The following BIRC6 variants were observed in gnomAD, a reference collection of about 807,000 sequenced individuals.
The protein encoded by BIRC6 is baculoviral IAP repeat containing 6.
Under a neutral mutation model 503.3 loss-of-function variants are expected in BIRC6, and 98 were observed. The observed-to-expected ratio is 0.19, with a 90% CI of 0.17 to 0.23. The LOEUF is 0.23. BIRC6 is among the 10% of genes least tolerant of loss of function. The pLI is 1.00. For synonymous variants in BIRC6, 2,240 were observed against 2,078.7 expected, an observed-to-expected ratio of 1.08 and a Z score of -2.11; for missense variants, 5,360 against 5,806.0, an observed-to-expected ratio of 0.92 and a Z score of 2.50.
intron 6 of BIRC6, among the ~76,000 whole-genome samples, chr2:32,400,525 G>A (rs2040490075): frequency 6.6e-6 from 1 of 151,928 alleles, no homozygotes; most frequent in African/African-American, 2.4e-5. Context: ...TTTTAGTAGA[G>A]ACGGGGTTTC....
chr2:32,515,414 A>G lies in BIRC6; in HGVS notation c.10993A>G (p.Arg3665Gly). Residue 3665 changes from arginine to glycine, a missense_variant, in exon 55 of 74, where the codon AGG (arginine) becomes GGG (glycine). Arg to Gly is a moderately radical substitution (Grantham distance 125). This residue lies in a region of BIRC6 where 878 missense variants were observed against 928.9 expected (regional missense o/e 0.95). Coordinates refer to ENST00000421745, the MANE Select transcript of BIRC6 (RefSeq NM_016252.4). ...QSIDISQDKL[R>G]RHHVPQQCNK... ...AATAGATATTTCCCAGGACAAACTC[A>G]GGCGCCATCATGTCCCACAACAATG... The G allele has an allele frequency of 6.2e-7, 1 of 1,613,106 alleles. No individual in the cohort carries two copies. Among genetic ancestry groups the G allele is most frequent in the Non-Finnish European group, 8.5e-7 (1 of 1,179,842 alleles).
At chr2:32,508,813 A>C (rs2054080423) in intron 51 of BIRC6, among the ~76,000 whole-genome samples, 2 of 152,156 alleles carry the variant, frequency 1.3e-5, no homozygotes, top group African/African-American at 2.4e-5. Flanking sequence ...GGCCTGGCTC[A>C]GTGGCTCACA....
chr2:32,438,092 A>G (rs2044942159), intron 15 of BIRC6, among the ~76,000 whole-genome samples: 1 of 152,210 alleles, frequency 6.6e-6, no homozygotes, highest in Non-Finnish European at 1.5e-5. Flanking sequence ...ACGTCTGGTC[A>G]AAAATACTGA....
chr2:32,617,064 C>T (rs1423282957), intron 73 of BIRC6, among the ~76,000 whole-genome samples: 4 of 152,054 alleles, frequency 2.6e-5, no homozygotes, highest in Non-Finnish European at 5.9e-5. Flanking sequence ...CGCTGCTCTC[C>T]AGCCTGGATG....
chr2:32,592,108 C>T (rs1408153247), intron 66 of BIRC6, among the ~76,000 whole-genome samples: 3 of 152,192 alleles, frequency 2.0e-5, no homozygotes, highest in East Asian at 3.8e-4. Context: ...AGTCTTCAGA[C>T]GTACACTATA....
intron 1 of BIRC6, among the ~76,000 whole-genome samples, chr2:32,359,704 T>C (rs760277659): frequency 5.9e-5 from 9 of 152,178 alleles, no homozygotes; most frequent in Non-Finnish European, 1.3e-4. Context: ...CATTTTCATA[T>C]ATGAGAAGTG....
At chr2:32,540,377 T>A (rs901750245) in intron 61 of BIRC6, among the ~76,000 whole-genome samples, 2 of 152,068 alleles carry the variant, frequency 1.3e-5, no homozygotes, top group Non-Finnish European at 2.9e-5. Context: ...ATAAATCATA[T>A]CCTGTTCATC....
intron 65 of BIRC6, among the ~76,000 whole-genome samples, chr2:32,552,140 A>G (rs542275792): frequency 9.2e-5 from 14 of 152,306 alleles, no homozygotes; most frequent in Middle Eastern, 3.4e-3. Context: ...TTGGTCTGCC[A>G]TTAATTTTAA....
intron 44 of BIRC6, 95 bp downstream of exon 44, chr2:32,491,653 A>C: frequency 7.8e-7 from 1 of 1,279,008 alleles, no homozygotes; most frequent in Non-Finnish European, 1.1e-6. Context: ...TAAAGTATTA[A>C]ATAATAGCCT....
chr2:32,490,406 G>A (rs183755554), intron 43 of BIRC6, among the ~76,000 whole-genome samples: 7 of 152,224 alleles, frequency 4.6e-5, no homozygotes, highest in Admixed American at 3.3e-4. Flanking sequence ...AAGTTAGTGG[G>A]CGCCTGTAGT....
intron 35 of BIRC6, 83 bp from the exon 36 acceptor site, chr2:32,478,552 T>C: frequency 5.5e-6 from 7 of 1,276,178 alleles, no homozygotes; most frequent in Non-Finnish European, 7.6e-6. Context: ...TGTTCAGTGC[T>C]AAAGTATTGG....
rs199573833 is a variant in BIRC6, at chr2:32,414,046, C to CT, written c.1478-720dup. The stretch of plus-strand genomic sequence containing the variant: ...GTGGCTCATGCCTGTAATCCCAGCA[C>CT]TTTGAGAGGCCGAGGCGGGTGGATT... On this transcript the variant is annotated intron_variant, in intron 9 of 73. Transcript: ENST00000421745. 4.6e-3 allele frequency among the ~76,000 whole-genome samples: 693 copies of CT among 152,244 alleles called. 5 individuals carry two copies. The highest frequency in any genetic ancestry group is 0.015 in the African/African-American group (641 of 41,542).
In BIRC6 at chr2:32,398,886, C is replaced by T. The variant is rs953968264; in HGVS notation, c.1035-2277C>T. Among the ~76,000 whole-genome samples the T allele has an allele frequency of 4.6e-5, 7 of 152,168 alleles. No individual in the cohort carries two copies. The South Asian group carries it at 1.5e-3, about 32-fold the overall frequency. On this transcript the variant is annotated intron_variant, in intron 6 of 73. Transcript: ENST00000421745. Reference sequence around the variant, plus strand: ...GCACTGTAAAAGGATTTAGGAAAGACATCTACATATTAAAAATTGCCCAGG... The same window carrying T: ...GCACTGTAAAAGGATTTAGGAAAGATATCTACATATTAAAAATTGCCCAGG...
rs537194587 is a variant in BIRC6 at position 32,390,371 on chromosome 2, C to T, written c.839+1428C>T. ...ATTTTTAGTACAGGTGGGGTTTCAC[C>T]GTGTTAGCCAGGATGGTCTCGAGCT... On this transcript the variant is annotated intron_variant, in intron 4 of 73. Coordinates refer to ENST00000421745, the MANE Select transcript of BIRC6 (RefSeq NM_016252.4). Among the ~76,000 whole-genome samples the T allele has an allele frequency of 5.3e-5, 8 of 151,430 alleles. No homozygotes were observed. In the South Asian group the frequency reaches 6.3e-4, roughly 12 times the overall value.
intron 59 of BIRC6, 133 bp from the exon 60 acceptor site, chr2:32,529,518 G>C (rs567909634): frequency 1.2e-6 from 1 of 800,884 alleles, no homozygotes; most frequent in African/African-American, 1.8e-5. Flanking sequence ...AATGGCTGTT[G>C]AATTTTTTAA....
intron 65 of BIRC6, among the ~76,000 whole-genome samples, chr2:32,556,521 C>G (rs1386062340): frequency 6.6e-6 from 1 of 152,186 alleles, no homozygotes; most frequent in Admixed American, 6.5e-5. Flanking sequence ...CCATAACTCT[C>G]CATTTCTTCT....
intron 73 of BIRC6, among the ~76,000 whole-genome samples, chr2:32,616,578 AAAAAAAAT>A (rs2063259830): frequency 6.6e-6 from 1 of 151,618 alleles, no homozygotes; most frequent in Non-Finnish European, 1.5e-5. Context: ...AAAAAAAAAA[AAAAAAAAT>A]TCTAATGATA....
chr2:32,615,658 G>A (rs545249521), intron 73 of BIRC6, among the ~76,000 whole-genome samples: 23 of 151,962 alleles, frequency 1.5e-4, no homozygotes, highest in African/African-American at 5.3e-4. Context: ...TTTTGAGATG[G>A]AGTCTCGCTC....
At chr2:32,508,867 G>A (rs1286411990) in intron 51 of BIRC6, among the ~76,000 whole-genome samples, 1 of 152,010 alleles carries the variant, frequency 6.6e-6, no homozygotes, top group Non-Finnish European at 1.5e-5. Flanking sequence ...GGCGGATCAC[G>A]AGGTCAGGAG....
Sources: allele counts gnomAD v4.1 joint callset (sites outside exome capture counted in the v4.1 genomes callset), GRCh38; gene constraint gnomAD v4.1.1; regional missense constraint gnomAD v4.1.1; transcripts MANE v1.5; gene names NCBI Gene and HGNC (gene_info 2026-07-23, HGNC 2026-07-21).